Variants in DACH2 observed in about 807,000 individuals in gnomAD.
DACH2 encodes the protein dachshund family transcription factor 2, also known as dachshund homolog 2.
DACH2 carries 17 observed loss-of-function variants against 35.8 expected under a neutral mutation model. That is an observed-to-expected ratio of 0.48 (90% CI 0.33 to 0.71). DACH2 has a LOEUF of 0.71. Ranked by LOEUF, DACH2 falls within the 30% of genes least tolerant of loss-of-function variation. The pLI is 0.02. For missense variants in DACH2, 469 were observed against 472.7 expected (o/e 0.99, Z 0.07); for synonymous variants, 195 against 177.3 (o/e 1.10, Z -0.79).
At chrX:86,744,328 T>C (rs1238118407) in intron 7 of DACH2, among the ~76,000 whole-genome samples, 1 of 110,909 alleles carries the variant, frequency 9.0e-6, no homozygotes, top group Non-Finnish European at 1.9e-5. Context: ...ATTCTCTATG[T>C]CAAGTTCTTC....
intron 3 of DACH2, among the ~76,000 whole-genome samples, chrX:86,575,210 C>T (rs1228519810): frequency 1.8e-5 from 2 of 111,059 alleles, no homozygotes; most frequent in Admixed American, 9.6e-5. Flanking sequence ...CAACTTTAAA[C>T]TCTTTCTATA....
At position 86,468,636 on chromosome X, in the gene DACH2, G is replaced by A. The variant is rs185083938; in HGVS notation, c.528-45643G>A. ...TCAGTAGAATACCATTCTATATGCC[G>A]ATTCCAAGTATGTTATTCCCAGAAA... On this transcript the variant is annotated intron_variant, in intron 2 of 11. Transcript: ENST00000373125. Among the ~76,000 whole-genome samples the A allele has an allele frequency of 9.9e-4, 110 of 111,477 alleles. 1 individual carries two copies. The South Asian group carries it at 0.037, about 37-fold the overall frequency.
intron 2 of DACH2, among the ~76,000 whole-genome samples, chrX:86,389,063 C>T (rs1477764364): frequency 9.0e-6 from 1 of 111,253 alleles, no homozygotes; most frequent in Non-Finnish European, 1.9e-5. Context: ...TATTATTATT[C>T]CCTGACCCCA....
At chrX:86,541,447 C>T (rs1045881915) in intron 3 of DACH2, among the ~76,000 whole-genome samples, 1 of 110,570 alleles carries the variant, frequency 9.0e-6, no homozygotes, top group African/African-American at 3.3e-5. Flanking sequence ...GGAATATATA[C>T]ATATTTATAC....
chrX:86,640,863 T>C (rs1350664890), intron 3 of DACH2, among the ~76,000 whole-genome samples: 4 of 111,808 alleles, frequency 3.6e-5, no homozygotes, highest in African/African-American at 1.3e-4. Flanking sequence ...TTTCCCCATC[T>C]GAAACCAGAG....
chrX:86,439,976 G>T (rs187501361), intron 2 of DACH2, among the ~76,000 whole-genome samples: 3 of 111,529 alleles, frequency 2.7e-5, no homozygotes, highest in Non-Finnish European at 3.8e-5. Flanking sequence ...TGTGGTCTGA[G>T]AACAGACCTT....
intron 2 of DACH2, among the ~76,000 whole-genome samples, chrX:86,395,699 C>T (rs185693802): frequency 9.0e-6 from 1 of 111,486 alleles, no homozygotes; most frequent in East Asian, 2.8e-4. Flanking sequence ...CATCCATGTC[C>T]CTACAAAGGA....
At chrX:86,616,262 A>G (rs1030037101) in intron 3 of DACH2, among the ~76,000 whole-genome samples, 2 of 111,783 alleles carry the variant, frequency 1.8e-5, no homozygotes, top group African/African-American at 6.5e-5. Flanking sequence ...TAGTAGAAAG[A>G]TTTATATTCC....
intron 7 of DACH2, among the ~76,000 whole-genome samples, chrX:86,767,217 TTATC>T (rs1375153204): frequency 8.9e-6 from 1 of 111,947 alleles, no homozygotes; most frequent in Non-Finnish European, 1.9e-5. Flanking sequence ...CTTTTGTGCT[TTATC>T]TATTCATGGG....
intron 1 of DACH2, among the ~76,000 whole-genome samples, chrX:86,255,451 G>A (rs1054881559): frequency 3.6e-5 from 4 of 111,432 alleles, no homozygotes; most frequent in Non-Finnish European, 7.5e-5. Context: ...GATGAGATTC[G>A]GTTAGAAGAA....
chrX:86,635,370 G>C (rs1448807397), intron 3 of DACH2, among the ~76,000 whole-genome samples: 1 of 107,388 alleles, frequency 9.3e-6, no homozygotes, highest in East Asian at 2.9e-4. Flanking sequence ...GGTATTGAAG[G>C]AGCATACCTC....
At chrX:86,180,188 A>G (rs1274086922) in intron 1 of DACH2, among the ~76,000 whole-genome samples, 1 of 82,441 alleles carries the variant, frequency 1.2e-5, no homozygotes, top group Non-Finnish European at 2.4e-5. Context: ...ATATATATAT[A>G]TATATATATA....
chrX:86,281,780 G>A (rs921508601), intron 1 of DACH2, among the ~76,000 whole-genome samples: 1 of 112,210 alleles, frequency 8.9e-6, no homozygotes, highest in African/African-American at 3.2e-5. Flanking sequence ...ATCTCTTTAA[G>A]CTGATAAGCA....
intron 6 of DACH2, among the ~76,000 whole-genome samples, chrX:86,719,372 G>A (rs2041374818): frequency 9.0e-6 from 1 of 111,729 alleles, no homozygotes; most frequent in African/African-American, 3.3e-5. Flanking sequence ...TGGAGACTGA[G>A]GTTTTCTAGA....
chrX:86,299,807 T>A, intron 1 of DACH2, among the ~76,000 whole-genome samples: 1 of 112,164 alleles, frequency 8.9e-6, no homozygotes, highest in South Asian at 3.7e-4. Flanking sequence ...CCTCCATTTG[T>A]CAGCTTTTTG....
At chrX:86,601,100 G>A (rs1380439930) in intron 3 of DACH2, among the ~76,000 whole-genome samples, 1 of 110,800 alleles carries the variant, frequency 9.0e-6, no homozygotes, top group African/African-American at 3.3e-5. Context: ...ATTAAAGGGG[G>A]CTTTCTATAT....
rs2038081384 is a variant in DACH2 at position 86,490,639 on chromosome X, A to T, written c.528-23640A>T. On this transcript the variant is annotated intron_variant, in intron 2 of 11. Coordinates refer to ENST00000373125, the MANE Select transcript of DACH2 (RefSeq NM_053281.3). ...TGAGTTATCCGGGTTTGAGATGGCTACGTGTTGGTTATATCCTATGATGTT... is the reference window on the plus strand; with the variant it reads ...TGAGTTATCCGGGTTTGAGATGGCTTCGTGTTGGTTATATCCTATGATGTT... Among the ~76,000 whole-genome samples the T allele has an allele frequency of 2.7e-5, 3 of 111,553 alleles. No homozygotes were observed. In the South Asian group the frequency reaches 1.1e-3, roughly 42 times the overall value.
At chrX:86,153,024 T>A (rs1227792954) in intron 1 of DACH2, among the ~76,000 whole-genome samples, 1 of 111,675 alleles carries the variant, frequency 9.0e-6, no homozygotes, top group African/African-American at 3.2e-5. Flanking sequence ...TACTAAACAA[T>A]CAATAAATTT....
intron 1 of DACH2, among the ~76,000 whole-genome samples, chrX:86,285,364 G>A (rs2034123435): frequency 2.7e-5 from 3 of 111,127 alleles, no homozygotes; most frequent in Non-Finnish European, 5.7e-5. Context: ...ATCAATTTTT[G>A]TATGTTGTAT....
Sources: gnomAD v4.1 joint callset for allele counts (sites outside exome capture counted in the v4.1 genomes callset) on GRCh38, gnomAD v4.1.1 for gene constraint, MANE v1.5 for transcripts, NCBI Gene and HGNC (gene_info 2026-07-23, HGNC 2026-07-21) for gene names.